Variants in COL5A2 observed in about 807,000 individuals in gnomAD.
COL5A2 encodes collagen alpha-2(V) chain.
COL5A2 carries 23 observed loss-of-function variants against 208.2 expected under a neutral mutation model. That is an observed-to-expected ratio of 0.11 (90% CI 0.08 to 0.16). COL5A2 has a LOEUF of 0.16. Ranked by LOEUF, COL5A2 falls within the 10% of genes least tolerant of loss-of-function variation. COL5A2 has a pLI of 1.00. For missense variants in COL5A2, 1,590 were observed against 1,956.4 expected, an observed-to-expected ratio of 0.81 and a Z score of 3.53; for synonymous variants, 625 against 628.5, an observed-to-expected ratio of 0.99 and a Z score of 0.08.
chr2:189,098,941 A>G (rs1293397622), intron 4 of COL5A2, among the ~76,000 whole-genome samples, 182 bp from the exon 5 acceptor site: 1 of 152,190 alleles, frequency 6.6e-6, no homozygotes, highest in Non-Finnish European at 1.5e-5. Context: ...TTTAACTAAT[A>G]TAGGGAGGCA....
Position 189,032,347 on chromosome 2 carries a change from ATGT to A in COL5A2, c.*1720_*1722del, listed in dbSNP as rs1685351727. ...TGGTGTCATGTTGCCTTTGTGGGTA[ATGT>A]TGTAGATAGATTTTCATTTATAAGC... On this transcript the variant is annotated 3_prime_UTR_variant, in exon 54 of 54. Transcript: ENST00000374866. The A allele has an allele frequency of 6.6e-6, 1 of 152,098 alleles. No individual in the cohort carries two copies. The highest frequency in any genetic ancestry group is 1.5e-5 in the Non-Finnish European group (1 of 67,996). The allele number at this position is 152,098 out of a possible 1,614,324, so 9.4% of individuals were successfully genotyped here.
rs143456436 is a variant in COL5A2, at chr2:189,128,700, C to T, written c.98-18251G>A. On this transcript the variant is annotated intron_variant, in intron 1 of 53. Coordinates refer to ENST00000374866, the MANE Select transcript of COL5A2 (RefSeq NM_000393.5). Reference sequence around the variant, plus strand: ...TGCCAGATTCAGAAATAATTACTATCGTCCTCACAATAAGCATTCCAATGA... The same window carrying T: ...TGCCAGATTCAGAAATAATTACTATTGTCCTCACAATAAGCATTCCAATGA... Among the ~76,000 whole-genome samples, 945 of 152,056 alleles carry T rather than the reference C, an allele frequency of 6.2e-3. 3 individuals are homozygous for T. Among genetic ancestry groups the T allele is most frequent in the Non-Finnish European group, 9.4e-3 (640 of 67,884 alleles).
chr2:189,100,246 T>A, intron 3 of COL5A2, 107 bp from the exon 4 acceptor site: 1 of 829,696 alleles, frequency 1.2e-6, no homozygotes, highest in Non-Finnish European at 2.0e-6. Flanking sequence ...GGAATTTCTA[T>A]GTAAGAAATG....
chr2:189,111,656 T>C (rs1003045892), intron 1 of COL5A2, among the ~76,000 whole-genome samples: 1 of 152,236 alleles, frequency 6.6e-6, no homozygotes, highest in Non-Finnish European at 1.5e-5. Context: ...CAGCCATTCA[T>C]TCATTTATTC....
intron 16 of COL5A2, 142 bp from the exon 17 acceptor site, chr2:189,075,579 A>G (rs1686386755): frequency 1.5e-6 from 1 of 652,738 alleles, no homozygotes. Flanking sequence ...CACTCAGTTA[A>G]TAGCAATATA....
At chr2:189,422,826 C>T in the COL5A2 span, among the ~76,000 whole-genome samples, 1,055 of 151,972 alleles carry the variant, frequency 6.9e-3, 10 homozygotes, top group South Asian at 9.6e-3. Flanking sequence ...AGTTCGAGAC[C>T]AGCTTGACCA....
chr2:189,224,443 C>T (rs537961230), intron 1 of COL5A2, among the ~76,000 whole-genome samples: 4 of 151,986 alleles, frequency 2.6e-5, no homozygotes, highest in Non-Finnish European at 5.9e-5. Flanking sequence ...AATCCCAGTA[C>T]CTTGGGAGGC....
At chr2:189,267,385 T>C in the COL5A2 span, among the ~76,000 whole-genome samples, 1 of 152,260 alleles carries the variant, frequency 6.6e-6, no homozygotes, top group Admixed American at 6.5e-5. Flanking sequence ...AACCTGGGTG[T>C]TCATCGCTAC....
At chr2:189,336,107 A>C in the COL5A2 span, among the ~76,000 whole-genome samples, 3 of 152,234 alleles carry the variant, frequency 2.0e-5, no homozygotes, top group African/African-American at 7.2e-5. Context: ...TCATAAAGAA[A>C]GACATGGAAA....
upstream of COL5A2, among the ~76,000 whole-genome samples, chr2:189,229,425 C>CAT (rs1689454526): frequency 1.0e-5 from 1 of 96,400 alleles, no homozygotes; most frequent in African/African-American, 3.8e-5. Flanking sequence ...TGCACACACA[C>CAT]ATACATACAC....
At chr2:189,109,089 T>C (rs1340864736) in intron 2 of COL5A2, among the ~76,000 whole-genome samples, 3 of 152,030 alleles carry the variant, frequency 2.0e-5, no homozygotes, top group Admixed American at 2.0e-4. Context: ...CTTTTTATCT[T>C]ATGGCATCTG....
chr2:189,036,027 T>A (rs1243652062), intron 52 of COL5A2, among the ~76,000 whole-genome samples: 1 of 152,138 alleles, frequency 6.6e-6, no homozygotes, highest in Non-Finnish European at 1.5e-5. Flanking sequence ...TTAAAAATTT[T>A]ACAAAATGAT....
chr2:189,325,989 T>C, the COL5A2 span, among the ~76,000 whole-genome samples: 129,340 of 151,198 alleles, frequency 0.86, 56,404 homozygotes, highest in Non-Finnish European at 0.95. Flanking sequence ...CCCAGCTACT[T>C]GGGAGGCTGA....
intron 1 of COL5A2, among the ~76,000 whole-genome samples, chr2:189,220,263 T>G: frequency 6.6e-6 from 1 of 152,186 alleles, no homozygotes. Context: ...TGTTAACATC[T>G]TATCAGAAAA....
chr2:189,338,497 T>A, the COL5A2 span, among the ~76,000 whole-genome samples: 1 of 151,942 alleles, frequency 6.6e-6, no homozygotes, highest in Non-Finnish European at 1.5e-5. Context: ...CAAGGCCTCT[T>A]CTCCGTTCCT....
At chr2:189,253,470 T>A in the COL5A2 span, among the ~76,000 whole-genome samples, 1 of 152,256 alleles carries the variant, frequency 6.6e-6, no homozygotes, top group Non-Finnish European at 1.5e-5. Context: ...GCTTTATGAA[T>A]GTTAGCTATA....
Position 189,079,045 on chromosome 2 carries a change from A to G in COL5A2, c.1005+18T>C. 1 of 1,605,146 alleles carries G rather than the reference A, an allele frequency of 6.2e-7. No individual in the cohort carries two copies. Among genetic ancestry groups the G allele is most frequent in the Non-Finnish European group, 8.5e-7 (1 of 1,172,268 alleles). On this transcript the variant is annotated intron_variant, in intron 15 of 53. Transcript: ENST00000374866. ...ATATAACCTTAGAAATTTAAGAAAC[A>G]AGAAAACGAGCACATACCAGAGGAC...
At chr2:189,347,508 T>C in the COL5A2 span, among the ~76,000 whole-genome samples, 5 of 152,178 alleles carry the variant, frequency 3.3e-5, no homozygotes, top group Non-Finnish European at 5.9e-5. Context: ...GTATGAGAAA[T>C]TGACCATTAT....
chr2:189,390,210 C>G, the COL5A2 span, among the ~76,000 whole-genome samples: 1 of 152,020 alleles, frequency 6.6e-6, no homozygotes, highest in South Asian at 2.1e-4. Context: ...ACCCCAATCC[C>G]CTGGAGCTCA....
Sources: allele counts gnomAD v4.1 joint callset (sites outside exome capture counted in the v4.1 genomes callset), GRCh38; gene constraint gnomAD v4.1.1; transcripts MANE v1.5; gene names NCBI Gene and HGNC (gene_info 2026-07-23, HGNC 2026-07-21).